Variants in CASP6 observed in about 807,000 individuals in gnomAD.
The protein encoded by CASP6 is caspase-6.
In CASP6, 20 loss-of-function variants were observed where a neutral mutation model predicts 31.8. The observed-to-expected ratio is 0.63, with a 90% CI of 0.44 to 0.91. The LOEUF (loss-of-function observed/expected upper bound fraction) is 0.91. Ranked by LOEUF, CASP6 falls within the 40% of genes least tolerant of loss-of-function variation. The probability of loss-of-function intolerance (pLI) is 0.00; values close to 1 mark genes in which losing one functional copy is unlikely to be tolerated. For synonymous variants in CASP6, 130 were observed against 127.8 expected, an observed-to-expected ratio of 1.02 and a Z score of -0.12; for missense variants, 328 against 361.1, an observed-to-expected ratio of 0.91 and a Z score of 0.74.
chr4:109,687,912 C>CTTAA (rs1300471259), downstream of CASP6: 2 of 212,128 alleles, frequency 9.4e-6, no homozygotes, highest in Non-Finnish European at 1.8e-5. Context: ...CATTCTTAGA[C>CTTAA]TTAATTTGGA....
intron 1 of CASP6, among the ~76,000 whole-genome samples, chr4:109,700,014 C>T (rs908120575): frequency 1.1e-4 from 16 of 152,224 alleles, no homozygotes; most frequent in Admixed American, 7.8e-4. Context: ...GTGTCCTCCT[C>T]GGTGGCAGCA....
rs768717478 is a variant in CASP6, at chr4:109,690,909, G to C, written c.584C>G (p.Ala195Gly). 3.1e-6 allele frequency: 5 copies of C among 1,613,522 alleles called. No homozygotes were observed. Among genetic ancestry groups the C allele is most frequent in the Non-Finnish European group, 3.4e-6 (4 of 1,179,708 alleles). ...TCCAGCAGGCAGCGTGTAAACGGAG[G>C]CTGCATCCACCTCAGTTATGTTGGT... ...LDTNITEVDAASVYTLPAGAD... is the reference protein window; with the variant it reads ...LDTNITEVDAGSVYTLPAGAD... Residue 195 changes from alanine to glycine, a missense_variant, in exon 6 of 7, where the codon GCC becomes GGC. Coordinates refer to ENST00000265164, the MANE Select transcript of CASP6 (RefSeq NM_001226.4).
chr4:109,680,952 T>C, the CASP6 span, among the ~76,000 whole-genome samples: 2 of 152,194 alleles, frequency 1.3e-5, no homozygotes, highest in African/African-American at 4.8e-5. Flanking sequence ...TATGGACTTA[T>C]AAACCCATGG....
the CASP6 span, among the ~76,000 whole-genome samples, chr4:109,666,710 T>C: frequency 6.6e-6 from 1 of 152,194 alleles, no homozygotes; most frequent in Non-Finnish European, 1.5e-5. Context: ...TTGCAAATAT[T>C]TTCTCCCAGG....
chr4:109,706,131 T>TATAATTATA (rs60918624), upstream of CASP6, among the ~76,000 whole-genome samples: 19 of 36,110 alleles, frequency 5.3e-4, 1 homozygote, highest in African/African-American at 2.3e-3. Flanking sequence ...CCTATCCATT[T>TATAATTATA]TATATATATA....
the CASP6 span, chr4:109,682,726 T>G: frequency 6.2e-7 from 1 of 1,613,652 alleles, no homozygotes; most frequent in Non-Finnish European, 8.5e-7. Context: ...AAGGAACAGC[T>G]GCAGCCCCTT....
chr4:109,703,475 C>T, upstream of CASP6: 1 of 1,539,622 alleles, frequency 6.5e-7, no homozygotes, highest in Non-Finnish European at 8.8e-7. Context: ...CGCCCTCGGC[C>T]CTTCCTCGGC....
At chr4:109,690,337 C>T (rs1730005621) in intron 6 of CASP6, among the ~76,000 whole-genome samples, 2 of 151,292 alleles carry the variant, frequency 1.3e-5, no homozygotes, top group African/African-American at 4.9e-5. Context: ...GCCTGGGCAA[C>T]ATAGCAAGAC....
At chr4:109,666,503 G>A in the CASP6 span, among the ~76,000 whole-genome samples, 7 of 152,126 alleles carry the variant, frequency 4.6e-5, no homozygotes, top group East Asian at 1.9e-4. Flanking sequence ...CATTGTAGTA[G>A]GTGTGTAGTC....
the CASP6 span, among the ~76,000 whole-genome samples, chr4:109,674,425 A>G: frequency 1.2e-4 from 18 of 152,358 alleles, no homozygotes; most frequent in African/African-American, 4.3e-4. Flanking sequence ...TCTAAAGAAG[A>G]TAACAGGCCA....
chr4:109,698,203 C>T, intron 2 of CASP6, 97 bp downstream of exon 2: 1 of 1,340,832 alleles, frequency 7.5e-7, no homozygotes, highest in Non-Finnish European at 1.0e-6. Context: ...CTCAGTTTTA[C>T]TTCCTAGCTC....
chr4:109,682,684 A>G, the CASP6 span: 9 of 1,613,598 alleles, frequency 5.6e-6, no homozygotes, highest in Non-Finnish European at 7.6e-6. Flanking sequence ...AAAAAGAGAG[A>G]GCACCATTTA....
chr4:109,680,553 T>A, the CASP6 span, among the ~76,000 whole-genome samples: 1 of 151,620 alleles, frequency 6.6e-6, no homozygotes, highest in Non-Finnish European at 1.5e-5. Flanking sequence ...ATGTTTTATG[T>A]ACCAATACAT....
chr4:109,695,682 A>C lies in CASP6; in HGVS notation c.307+728T>G, dbSNP rs5030569. Among the ~76,000 whole-genome samples, 1,188 of 150,686 alleles carry C rather than the reference A, an allele frequency of 7.9e-3. 13 individuals carry two copies. Among genetic ancestry groups the C allele is most frequent in the African/African-American group, 0.026 (1,081 of 40,910 alleles). Reference sequence around the variant, plus strand: ...CTTGAACCCAGGAGGTGGAGGCTGCAGTGAGCTGAGATCACACCACTGCAC... The same window carrying C: ...CTTGAACCCAGGAGGTGGAGGCTGCCGTGAGCTGAGATCACACCACTGCAC... On this transcript the variant is annotated intron_variant, in intron 4 of 6. Transcript: ENST00000265164.
chr4:109,671,685 A>T, the CASP6 span, among the ~76,000 whole-genome samples: 1 of 152,182 alleles, frequency 6.6e-6, no homozygotes, highest in African/African-American at 2.4e-5. Context: ...TCCTACTCTG[A>T]TACTTCCAAA....
At chr4:109,679,640 GA>G in the CASP6 span, among the ~76,000 whole-genome samples, 2 of 152,196 alleles carry the variant, frequency 1.3e-5, no homozygotes, top group Non-Finnish European at 2.9e-5. Context: ...GGGAGTGGGA[GA>G]GGGGGAAACA....
chr4:109,709,567 C>T, the CASP6 span, among the ~76,000 whole-genome samples: 1 of 152,156 alleles, frequency 6.6e-6, no homozygotes, highest in African/African-American at 2.4e-5. Flanking sequence ...ATGAAATAAA[C>T]AGCCATCTCT....
At chr4:109,692,045 G>A (rs1181294308) in intron 5 of CASP6, 1 of 152,174 alleles carries the variant, frequency 6.6e-6, no homozygotes, top group Non-Finnish European at 1.5e-5. Context: ...AGATTCTGTT[G>A]TAGCATTATA....
At chr4:109,691,052 T>C in intron 5 of CASP6, 43 bp from the exon 6 acceptor site, 1 of 1,574,558 alleles carries the variant, frequency 6.4e-7, no homozygotes. Flanking sequence ...GCCTACTGTT[T>C]CCTTCCCAGT....
Sources: gnomAD v4.1 joint callset for allele counts (sites outside exome capture counted in the v4.1 genomes callset) on GRCh38, gnomAD v4.1.1 for gene constraint, MANE v1.5 for transcripts, NCBI Gene and HGNC (gene_info 2026-07-23, HGNC 2026-07-21) for gene names.